Variants in PARG observed in about 807,000 individuals in gnomAD.
PARG encodes poly(ADP-ribose) glycohydrolase.
PARG carries 35 observed loss-of-function variants against 113.0 expected under a neutral mutation model. That is an observed-to-expected ratio of 0.31 (90% CI 0.24 to 0.41). PARG has a LOEUF of 0.41. Ranked by LOEUF, PARG falls within the 10% of genes least tolerant of loss-of-function variation. The pLI, the probability that PARG is intolerant of heterozygous loss-of-function variation, is 1.00. For missense variants in PARG, 797 were observed against 1,169.4 expected (o/e 0.68, Z 4.64); for synonymous variants, 330 against 409.9 (o/e 0.81, Z 2.36).
At chr10:49,918,393 T>C (rs1837620684) in intron 6 of PARG, among the ~76,000 whole-genome samples, 1 of 152,236 alleles carries the variant, frequency 6.6e-6, no homozygotes. Context: ...TAGCTTGTAT[T>C]TATTTTTACT....
At chr10:49,912,184 C>T (rs1386160325) in intron 7 of PARG, among the ~76,000 whole-genome samples, 1 of 151,876 alleles carries the variant, frequency 6.6e-6, no homozygotes, top group African/African-American at 2.4e-5. Flanking sequence ...CCTGTAGTCC[C>T]AGCTACTCAG....
At chr10:49,914,515 T>C (rs1280933971) in intron 7 of PARG, among the ~76,000 whole-genome samples, 2 of 152,238 alleles carry the variant, frequency 1.3e-5, no homozygotes, top group Admixed American at 6.5e-5. Context: ...TATCTCGAAA[T>C]GCAGAATTAG....
chr10:49,850,567 G>GACT (rs1845715661), intron 13 of PARG, among the ~76,000 whole-genome samples: 1 of 152,154 alleles, frequency 6.6e-6, no homozygotes, highest in Admixed American at 6.5e-5. Flanking sequence ...AGACAGCAAG[G>GACT]ACTACTCCTT....
At chr10:49,932,591 A>C (rs1298237178) in intron 3 of PARG, among the ~76,000 whole-genome samples, 7 of 152,164 alleles carry the variant, frequency 4.6e-5, no homozygotes, top group Non-Finnish European at 7.4e-5. Context: ...TCACTATTGC[A>C]TGCTGATTGC....
At chr10:49,865,661 T>C (rs1320028011) in intron 10 of PARG, among the ~76,000 whole-genome samples, 4 of 148,778 alleles carry the variant, frequency 2.7e-5, no homozygotes, top group African/African-American at 9.9e-5. Context: ...ACAGTAGGAT[T>C]TGAGTGCTGG....
chr10:49,862,140 T>C (rs1846283758), intron 11 of PARG, among the ~76,000 whole-genome samples: 1 of 150,476 alleles, frequency 6.6e-6, no homozygotes, highest in African/African-American at 2.5e-5. Context: ...CGACAGAAAT[T>C]CTGAACAATG....
intron 1 of PARG, among the ~76,000 whole-genome samples, chr10:49,937,337 G>A (rs1181379421): frequency 5.3e-5 from 8 of 152,070 alleles, no homozygotes; most frequent in Admixed American, 1.3e-4. Context: ...TTAGCCAGAC[G>A]TGGTGGCGGG....
chr10:49,886,543 T>C (rs1407379671), intron 7 of PARG, among the ~76,000 whole-genome samples: 2 of 152,198 alleles, frequency 1.3e-5, no homozygotes, highest in Admixed American at 1.3e-4. Flanking sequence ...GAGTTGGAAA[T>C]TCAATTAGTC....
chr10:49,841,859 A>G, intron 15 of PARG, 91 bp downstream of exon 15: 2 of 818,264 alleles, frequency 2.4e-6, no homozygotes, highest in Non-Finnish European at 4.0e-6. Flanking sequence ...TGACACTGCA[A>G]TAATTACCAG....
intron 15 of PARG, among the ~76,000 whole-genome samples, chr10:49,841,444 T>C (rs1233499266): frequency 1.3e-5 from 2 of 152,196 alleles, no homozygotes; most frequent in Non-Finnish European, 2.9e-5. Context: ...TGGTTCATTT[T>C]TATATTTCTG....
intron 4 of PARG, among the ~76,000 whole-genome samples, chr10:49,927,374 GAAAGAA>G (rs1838245509): frequency 1.5e-4 from 3 of 20,546 alleles, no homozygotes; most frequent in Admixed American, 1.3e-3. Flanking sequence ...AAGAAGGAAA[GAAAGAA>G]AGAAAGAAAG....
At chr10:49,882,606 T>C (rs1212155175) in intron 8 of PARG, among the ~76,000 whole-genome samples, 1 of 152,168 alleles carries the variant, frequency 6.6e-6, no homozygotes. Context: ...CAAAGTTAGA[T>C]ACCTTTGAAC....
chr10:49,937,466 A>C (rs1325874221), intron 1 of PARG, among the ~76,000 whole-genome samples: 1 of 144,418 alleles, frequency 6.9e-6, no homozygotes, highest in Non-Finnish European at 1.6e-5. Context: ...ACAGTGTGAG[A>C]CTCTGTCTCA....
intron 4 of PARG, 52 bp downstream of exon 4, chr10:49,932,048 A>G: frequency 1.9e-6 from 2 of 1,026,094 alleles, no homozygotes; most frequent in South Asian, 2.7e-5. Context: ...AAATATCACA[A>G]TAAATAAGGA....
intron 6 of PARG, among the ~76,000 whole-genome samples, chr10:49,920,463 A>ATATATATAT (rs1554848910): frequency 8.3e-5 from 4 of 47,984 alleles, no homozygotes; most frequent in South Asian, 7.3e-4. Flanking sequence ...AAAAAAAAAA[A>ATATATATAT]ATATATATAT....
intron 4 of PARG, among the ~76,000 whole-genome samples, chr10:49,923,067 C>T (rs1837971196): frequency 6.6e-6 from 1 of 152,232 alleles, no homozygotes. Flanking sequence ...CTTATCAAAA[C>T]ACCATTCATT....
At chr10:49,853,725 A>C (rs1220682499) in intron 13 of PARG, among the ~76,000 whole-genome samples, 3 of 152,190 alleles carry the variant, frequency 2.0e-5, no homozygotes. Context: ...CCAGGAAAAA[A>C]ATTCCTTTGT....
chr10:49,838,408 G>A (rs541620922), intron 15 of PARG, among the ~76,000 whole-genome samples: 5 of 136,478 alleles, frequency 3.7e-5, no homozygotes, highest in African/African-American at 1.4e-4. Context: ...TCCAGCCTGG[G>A]CACCAAGAGT....
chr10:49,839,575 T>C lies in PARG; in HGVS notation c.2541+2375A>G, dbSNP rs147366257. ...ACAACTAACTTAACCTATTCACATA[T>C]ATCTTTTAAATTTCTGGTGTCTTTG... is the stretch of plus-strand genomic sequence containing the variant. On this transcript the variant is annotated intron_variant, in intron 15 of 17. Transcript: ENST00000616448. Among the ~76,000 whole-genome samples the C allele has an allele frequency of 1.4e-3, 220 of 152,338 alleles. 1 individual carries two copies. The highest frequency in any genetic ancestry group is 4.9e-3 in the African/African-American group (205 of 41,580).
Sources: allele counts gnomAD v4.1 joint callset (sites outside exome capture counted in the v4.1 genomes callset), GRCh38; gene constraint gnomAD v4.1.1; transcripts MANE v1.5; gene names NCBI Gene and HGNC (gene_info 2026-07-23, HGNC 2026-07-21).